AK5: variants seen among roughly 807,000 people sequenced by gnomAD.
AK5 encodes the protein adenylate kinase 5.
A neutral mutation model predicts 69.5 loss-of-function variants in AK5; 27 were observed. That is an observed-to-expected ratio of 0.39 (90% CI 0.29 to 0.54). The LOEUF is 0.54. AK5 is among the 20% of genes least tolerant of loss of function. The pLI, the probability that AK5 is intolerant of heterozygous loss-of-function variation, is 0.71. For synonymous variants in AK5, 260 were observed against 244.4 expected, an observed-to-expected ratio of 1.06 and a Z score of -0.60; for missense variants, 531 against 700.4, an observed-to-expected ratio of 0.76 and a Z score of 2.73.
At chr1:77,508,106 G>A (rs1395985497) in intron 10 of AK5, among the ~76,000 whole-genome samples, 1 of 152,154 alleles carries the variant, frequency 6.6e-6, no homozygotes, top group Non-Finnish European at 1.5e-5. Context: ...CAACTAGTAA[G>A]TATAATGCAA....
rs759436333 is a variant in AK5 at position 77,514,721 on chromosome 1, A to AT, written c.1148-3838dup. On this transcript the variant is annotated intron_variant, in intron 10 of 13. Transcript: ENST00000354567. The stretch of plus-strand genomic sequence containing the variant: ...CAGCTGTTGTTAATTTGAGCTGAAG[A>AT]TTTTTAATTGCCTTTGTGTCGAGAT... 4.6e-5 allele frequency among the ~76,000 whole-genome samples: 7 copies of AT among 152,234 alleles called. No individual in the cohort carries two copies. The East Asian group carries it at 1.3e-3, about 29-fold the overall frequency.
intron 10 of AK5, among the ~76,000 whole-genome samples, chr1:77,513,714 C>A (rs892563442): frequency 3.3e-5 from 5 of 152,180 alleles, no homozygotes; most frequent in Admixed American, 6.5e-5. Flanking sequence ...GTGGCACTCG[C>A]CTGTAGTCCC....
chr1:77,319,821 C>T (rs901372455), intron 5 of AK5, among the ~76,000 whole-genome samples: 1 of 152,168 alleles, frequency 6.6e-6, no homozygotes, highest in Non-Finnish European at 1.5e-5. Context: ...CTGATTTAGT[C>T]TCACTGACTA....
chr1:77,490,795 T>C (rs1655940635), intron 10 of AK5, among the ~76,000 whole-genome samples: 1 of 151,920 alleles, frequency 6.6e-6, no homozygotes, highest in Admixed American at 6.5e-5. Context: ...TTTTTTTTTT[T>C]TTAAATCTCT....
intron 13 of AK5, among the ~76,000 whole-genome samples, chr1:77,539,727 GTCC>G (rs1659169776): frequency 6.6e-6 from 1 of 152,168 alleles, no homozygotes; most frequent in African/African-American, 2.4e-5. Flanking sequence ...TTTTTGCCCA[GTCC>G]TCCTGCATCA....
At chr1:77,430,548 C>T (rs530201842) in intron 8 of AK5, among the ~76,000 whole-genome samples, 2 of 152,126 alleles carry the variant, frequency 1.3e-5, no homozygotes, top group African/African-American at 4.8e-5. Context: ...ATTTGTGAGC[C>T]TTTTTAATAT....
At chr1:77,412,432 C>G (rs1650106154) in intron 7 of AK5, among the ~76,000 whole-genome samples, 1 of 152,180 alleles carries the variant, frequency 6.6e-6, no homozygotes, top group Non-Finnish European at 1.5e-5. Flanking sequence ...GCCTCAACTC[C>G]CGCTAACTCT....
At chr1:77,338,915 T>C (rs567387133) in intron 5 of AK5, among the ~76,000 whole-genome samples, 119 of 152,150 alleles carry the variant, frequency 7.8e-4, no homozygotes, top group Admixed American at 2.7e-3. Flanking sequence ...GACATAGAGG[T>C]TTAGCAAGAT....
chr1:77,330,121 C>A (rs1363146967), intron 5 of AK5, among the ~76,000 whole-genome samples: 1 of 152,150 alleles, frequency 6.6e-6, no homozygotes, highest in African/African-American at 2.4e-5. Flanking sequence ...ATTTTCTCCT[C>A]AAAAATGAAG....
At chr1:77,368,229 A>ATG (rs1647037287) in intron 6 of AK5, among the ~76,000 whole-genome samples, 1 of 26,642 alleles carries the variant, frequency 3.8e-5, no homozygotes, top group Non-Finnish European at 7.5e-5. Flanking sequence ...ATATATATAT[A>ATG]TATATATATA....
intron 3 of AK5, among the ~76,000 whole-genome samples, chr1:77,296,496 C>T (rs1381273637): frequency 6.6e-6 from 1 of 151,894 alleles, no homozygotes; most frequent in African/African-American, 2.4e-5. Flanking sequence ...CATTAGTTGA[C>T]AAAAAATTTT....
Position 77,488,424 on chromosome 1 carries a change from T to C in AK5, c.1147+2072T>C, listed in dbSNP as rs569857947. On this transcript the variant is annotated intron_variant, in intron 10 of 13. Transcript: ENST00000354567. Reference sequence around the variant, plus strand: ...ACAGAGTCTTATATTTTCTATTCAATCTTTATATTAGGAGCCAAGTTAGGA... The same window carrying C: ...ACAGAGTCTTATATTTTCTATTCAACCTTTATATTAGGAGCCAAGTTAGGA... Among the ~76,000 whole-genome samples the C allele has an allele frequency of 7.2e-5, 11 of 152,254 alleles. No homozygotes were observed. In the East Asian group the frequency reaches 2.1e-3, roughly 29 times the overall value.
In AK5 at chr1:77,368,274, TTA is replaced by T. The variant is rs1165385747; in HGVS notation, c.891+27712_891+27713del. ...ATATAATATATATGTTATATATATG[TTA>T]TATATGTTATATATATGTTATATAT... On this transcript the variant is annotated intron_variant, in intron 6 of 13. Coordinates refer to ENST00000354567, the MANE Select transcript of AK5 (RefSeq NM_174858.3). 2.1e-3 allele frequency among the ~76,000 whole-genome samples: 121 copies of T among 58,356 alleles called. 1 individual carries two copies. The highest frequency in any genetic ancestry group is 5.4e-3 in the African/African-American group (119 of 21,966). The allele number at this position is 58,356 out of a possible 152,430, so 38.3% of individuals were successfully genotyped here.
chr1:77,360,499 G>C (rs890735474), intron 6 of AK5, among the ~76,000 whole-genome samples: 10 of 152,094 alleles, frequency 6.6e-5, no homozygotes, highest in African/African-American at 2.2e-4. Context: ...AAGTTAGGGG[G>C]GGTGGATGTC....
intron 8 of AK5, among the ~76,000 whole-genome samples, chr1:77,431,866 T>C (rs1370380810): frequency 6.6e-6 from 1 of 152,176 alleles, no homozygotes; most frequent in African/African-American, 2.4e-5. Context: ...AGTTTTGAGA[T>C]AATTATCCTT....
chr1:77,335,450 C>T (rs114915844), intron 5 of AK5, among the ~76,000 whole-genome samples: 54 of 149,154 alleles, frequency 3.6e-4, no homozygotes, highest in African/African-American at 1.2e-3. Flanking sequence ...TGAGAACATA[C>T]GCTAAGGAAA....
chr1:77,552,349 G>A (rs987177676), intron 13 of AK5, among the ~76,000 whole-genome samples: 3 of 152,130 alleles, frequency 2.0e-5, no homozygotes, highest in East Asian at 1.9e-4. Context: ...TATACCCATC[G>A]TAATGGTCCC....
Position 77,413,225 on chromosome 1 carries a change from T to G in AK5, c.982+2154T>G, listed in dbSNP as rs180745999. Among the ~76,000 whole-genome samples the G allele has an allele frequency of 4.0e-3, 615 of 152,258 alleles. 7 individuals carry two copies. The highest frequency in any genetic ancestry group is 0.014 in the African/African-American group (584 of 41,546). On this transcript the variant is annotated intron_variant, in intron 7 of 13. Coordinates refer to ENST00000354567, the MANE Select transcript of AK5 (RefSeq NM_174858.3). ...TCTCTGAATACCTCAAGTTCCTTCC[T>G]GCCTTAGGCATTTTCCACCTGCTCT...
intron 9 of AK5, among the ~76,000 whole-genome samples, chr1:77,484,251 GGGAC>G (rs1283715942): frequency 1.3e-5 from 2 of 151,810 alleles, no homozygotes; most frequent in African/African-American, 4.8e-5. Context: ...ATGTGAATTT[GGGAC>G]TATCCAAAAA....
Sources: allele counts gnomAD v4.1 joint callset (sites outside exome capture counted in the v4.1 genomes callset), GRCh38; gene constraint gnomAD v4.1.1; transcripts MANE v1.5; gene names NCBI Gene and HGNC (gene_info 2026-07-23, HGNC 2026-07-21).